The following DCP1B variants were observed in gnomAD, a reference collection of about 807,000 sequenced individuals.
DCP1B encodes mRNA-decapping enzyme 1B.
In DCP1B, 47 loss-of-function variants were observed where a neutral mutation model predicts 60.5. The ratio of observed to expected loss-of-function variants is 0.78; its 90% CI spans 0.61 to 0.99. The LOEUF (loss-of-function observed/expected upper bound fraction) is 0.99. Ranked by LOEUF, DCP1B falls within the 50% of genes least tolerant of loss-of-function variation. The pLI, the probability that DCP1B is intolerant of heterozygous loss-of-function variation, is 0.00. For missense variants in DCP1B, 725 were observed against 756.8 expected, an observed-to-expected ratio of 0.96 and a Z score of 0.49; for synonymous variants, 267 against 280.3, an observed-to-expected ratio of 0.95 and a Z score of 0.47.
At chr12:1,997,286 T>C (rs1450099184) in intron 2 of DCP1B, among the ~76,000 whole-genome samples, 1 of 152,168 alleles carries the variant, frequency 6.6e-6, no homozygotes, top group Admixed American at 6.5e-5. Flanking sequence ...CCCAGCACTT[T>C]AGGAGGCCAA....
chr12:1,950,472 A>G (rs2030625415), intron 7 of DCP1B: 2 of 695,602 alleles, frequency 2.9e-6, no homozygotes, highest in Non-Finnish European at 5.3e-6. Flanking sequence ...AAAAAAGCAG[A>G]CATTTTTAAA....
At chr12:1,977,083 G>A (rs2034623977) in intron 3 of DCP1B, among the ~76,000 whole-genome samples, 1 of 152,166 alleles carries the variant, frequency 6.6e-6, no homozygotes, top group Non-Finnish European at 1.5e-5. Flanking sequence ...AATTTACACA[G>A]AGTTCACTTT....
intron 3 of DCP1B, chr12:1,991,076 A>G (rs996592727): frequency 1.5e-5 from 7 of 455,414 alleles, no homozygotes; most frequent in Non-Finnish European, 3.1e-5. Context: ...TTTCTTTTGT[A>G]TGGAAATTCA....
intron 3 of DCP1B, chr12:1,970,853 T>G: frequency 6.9e-6 from 2 of 288,486 alleles, no homozygotes; most frequent in Non-Finnish European, 1.4e-5. Context: ...AAGAAGGTGT[T>G]TTGTTTTGTT....
chr12:2,001,037 CAAAAA>C (rs55946150), intron 1 of DCP1B, among the ~76,000 whole-genome samples: 2 of 124,338 alleles, frequency 1.6e-5, no homozygotes, highest in African/African-American at 2.9e-5. Flanking sequence ...GACTTCGTCT[CAAAAA>C]AAAAAAAAAA....
Position 1,971,141 on chromosome 12 carries a change from A to C in DCP1B, c.320-3231T>G. 4 of 1,289,456 alleles carry C rather than the reference A, an allele frequency of 3.1e-6. No homozygotes were observed. The highest frequency in any genetic ancestry group is 4.0e-6 in the Non-Finnish European group (4 of 988,514). The allele number at this position is 1,289,456 out of a possible 1,614,324, so 79.9% of individuals were successfully genotyped here. ...CCACCTGTCTGCCAACACGGAGGTCAAGTTTAAGGGTACTTTGGTGCATGA... is the reference window on the plus strand; with the variant it reads ...CCACCTGTCTGCCAACACGGAGGTCCAGTTTAAGGGTACTTTGGTGCATGA... On this transcript the variant is annotated intron_variant, in intron 3 of 8. Coordinates refer to ENST00000280665, the MANE Select transcript of DCP1B (RefSeq NM_152640.5). This position sits in a 1 kb window ranked among gnomAD's most constrained non-coding sequence, Gnocchi z 4.2.
At chr12:1,946,838 T>A (rs2030445697) in intron 8 of DCP1B, among the ~76,000 whole-genome samples, 1 of 152,200 alleles carries the variant, frequency 6.6e-6, no homozygotes, top group South Asian at 2.1e-4. Context: ...TAGCTAGGGC[T>A]ACAGGTGCGT....
At chr12:1,975,113 G>C (rs993514735) in intron 3 of DCP1B, among the ~76,000 whole-genome samples, 29 of 152,102 alleles carry the variant, frequency 1.9e-4, no homozygotes, top group African/African-American at 6.5e-4. Context: ...CCTGATTAAA[G>C]AAAAGTCAGA....
chr12:1,998,444 C>G (rs1404048423), intron 1 of DCP1B, among the ~76,000 whole-genome samples: 1 of 152,148 alleles, frequency 6.6e-6, no homozygotes, highest in African/African-American at 2.4e-5. Context: ...AGCAGATGAT[C>G]TGTCAATAAC....
intron 2 of DCP1B, among the ~76,000 whole-genome samples, chr12:1,995,216 TA>T (rs80167296): frequency 0.15 from 23,390 of 151,498 alleles, 1,909 homozygotes; most frequent in East Asian, 0.21. Context: ...CTTCCATAGT[TA>T]AAAAAAAACC....
Position 1,965,691 on chromosome 12 carries a change from A to G in DCP1B, c.389T>C (p.Leu130Pro). The G allele has an allele frequency of 6.2e-7, 1 of 1,602,416 alleles. No individual in the cohort carries two copies. Among genetic ancestry groups the G allele is most frequent in the Non-Finnish European group, 8.5e-7 (1 of 1,176,448 alleles). Reference protein sequence around the residue: ...CQRIAELMKNLTQYEQLKAHQ... With the variant: ...CQRIAELMKNPTQYEQLKAHQ... ...GGCTTTCAACTGTTCATACTGAGTT[A>G]GGCTAGAAAAACAGAGGGGAAAATC... Residue 130 changes from leucine to proline, a missense_variant and splice_region_variant, in exon 5 of 9, where the codon CTA becomes CCA. By Grantham distance (98) the Leu-to-Pro change is moderately conservative. Coordinates refer to ENST00000280665, the MANE Select transcript of DCP1B (RefSeq NM_152640.5).
chr12:1,997,783 C>T lies in DCP1B; in HGVS notation c.191+152G>A, dbSNP rs996667506. ...ACCAGGTGACATTATTTGGTATTCC[C>T]TTCTTCGTGTCAACTAATAATTTCA... On this transcript the variant is annotated intron_variant, in intron 2 of 8. Transcript: ENST00000280665. 23 of 662,434 alleles carry T rather than the reference C, an allele frequency of 3.5e-5. No individual in the cohort carries two copies. The African/African-American group carries it at 4.1e-4, about 12-fold the overall frequency. 41.0% of individuals were successfully genotyped at this position (662,434 alleles called of 1,614,324 possible).
chr12:1,972,854 AAG>A (rs2032925554), intron 3 of DCP1B, among the ~76,000 whole-genome samples: 1 of 152,064 alleles, frequency 6.6e-6, no homozygotes, highest in South Asian at 2.1e-4. Context: ...GAGGGAGAAA[AAG>A]AGAGAAAAGA....
chr12:1,953,602 TA>T (rs1265661824), intron 6 of DCP1B, among the ~76,000 whole-genome samples: 8 of 152,060 alleles, frequency 5.3e-5, no homozygotes, highest in Admixed American at 3.3e-4. Flanking sequence ...TTATATGCAC[TA>T]AAAAAATAAA....
intron 3 of DCP1B, among the ~76,000 whole-genome samples, chr12:1,989,566 C>T (rs900626855): frequency 1.3e-5 from 2 of 152,044 alleles, no homozygotes; most frequent in Non-Finnish European, 2.9e-5. Flanking sequence ...ACACAAAAAT[C>T]AGCCAGGCAT....
rs71057810 is a variant in DCP1B, at chr12:1,953,157, TTGCTGCTGC to T, written c.774_782del (p.Gln259_Gln261del). On this transcript the variant is annotated inframe_deletion, in exon 7 of 9. Coordinates refer to ENST00000280665, the MANE Select transcript of DCP1B (RefSeq NM_152640.5). ...CCCCCTGCCTAATTGGAAGCTTCTC[TTGCTGCTGC>T]TGCTGCTGCTGCTGCTGCTGGTGGA... 2.6e-4 allele frequency: 399 copies of T among 1,562,104 alleles called. No homozygotes were observed. In the African/African-American group the frequency reaches 2.6e-3, roughly 10 times the overall value.
intron 2 of DCP1B, among the ~76,000 whole-genome samples, chr12:1,996,657 AAC>A (rs1390966036): frequency 0.021 from 413 of 20,042 alleles, 63 homozygotes; most frequent in African/African-American, 0.028. Flanking sequence ...AAAAAAAAAC[AAC>A]AAACTCTTCT....
chr12:1,956,766 T>C (rs1490509746), intron 5 of DCP1B, among the ~76,000 whole-genome samples: 1 of 152,216 alleles, frequency 6.6e-6, no homozygotes, highest in Non-Finnish European at 1.5e-5. Context: ...TAACATTTAA[T>C]CCCTTACACA....
intron 1 of DCP1B, among the ~76,000 whole-genome samples, chr12:2,001,110 T>C (rs2042110781): frequency 6.6e-6 from 1 of 152,078 alleles, no homozygotes; most frequent in African/African-American, 2.4e-5. Flanking sequence ...TCAGGCGCTC[T>C]ATGACACCTG....
Sources: allele counts gnomAD v4.1 joint callset (sites outside exome capture counted in the v4.1 genomes callset), GRCh38; gene constraint gnomAD v4.1.1; non-coding constraint Gnocchi (gnomAD v3.1); transcripts MANE v1.5; gene names NCBI Gene and HGNC (gene_info 2026-07-23, HGNC 2026-07-21).